The following IL6ST variants were observed in gnomAD, a reference collection of about 807,000 sequenced individuals.
IL6ST encodes the protein interleukin-6 receptor subunit beta.
IL6ST carries 24 observed loss-of-function variants against 91.3 expected under a neutral mutation model. The observed-to-expected ratio is 0.26, with a 90% CI of 0.19 to 0.37. IL6ST has a LOEUF of 0.37. Ranked by LOEUF, IL6ST falls within the 10% of genes least tolerant of loss-of-function variation. The probability of loss-of-function intolerance (pLI) is 1.00; values close to 1 mark genes in which losing one functional copy is unlikely to be tolerated. For synonymous variants in IL6ST, 351 were observed against 373.6 expected (o/e 0.94, Z 0.70); for missense variants, 914 against 1,078.5 (o/e 0.85, Z 2.14).
chr5:55,952,460 A>C, intron 11 of IL6ST, 109 bp from the exon 12 acceptor site: 1 of 601,076 alleles, frequency 1.7e-6, no homozygotes, highest in South Asian at 2.8e-5. Context: ...TTTTCTTTTA[A>C]AACTGCAGTT....
At position 55,937,593 on chromosome 5, in the gene IL6ST, AT is replaced by A. The variant is rs1750620288; in HGVS notation, c.*3488del. 5.0e-6 allele frequency: 1 copy of A among 201,072 alleles called. No individual in the cohort carries two copies. The highest frequency in any genetic ancestry group is 6.0e-5 in the Admixed American group (1 of 16,666). The allele number at this position is 201,072 out of a possible 1,614,324, so 12.5% of individuals were successfully genotyped here. A position where few individuals can be genotyped will look rare whatever the true frequency, so the allele number is the denominator to read the frequency against. ...TCTTTGAAATCAATGACAATGTCCA[AT>A]TTTAGGCTAATCCTAAAACACTTGC... is the stretch of plus-strand genomic sequence containing the variant. On this transcript the variant is annotated 3_prime_UTR_variant, in exon 17 of 17. Transcript: ENST00000381298.
intron 4 of IL6ST, among the ~76,000 whole-genome samples, chr5:55,969,085 C>T (rs1202714391): frequency 1.3e-5 from 2 of 151,382 alleles, no homozygotes; most frequent in Admixed American, 6.6e-5. Context: ...GTCCCAGCTA[C>T]TTGGGAGGCT....
chr5:55,961,758 C>CA (rs539670850), intron 7 of IL6ST, among the ~76,000 whole-genome samples: 10,604 of 110,284 alleles, frequency 0.096, 835 homozygotes, highest in African/African-American at 0.23. Flanking sequence ...AACTCCATCT[C>CA]AAAAAAAAAA....
In IL6ST at chr5:55,989,036, C is replaced by T. The variant is rs147379221; in HGVS notation, c.-104+5748G>A. Among the ~76,000 whole-genome samples the T allele has an allele frequency of 9.7e-3, 1,445 of 149,724 alleles. 37 individuals are homozygous for T. The highest frequency in any genetic ancestry group is 0.056 in the Admixed American group (840 of 15,028). On this transcript the variant is annotated intron_variant, in intron 1 of 16. Transcript: ENST00000381298. ...AGCTACTCAGGAAGCTGAGGTGGGA[C>T]AACCACTTGAGCCTGGGCTTATAGA...
intron 10 of IL6ST, 122 bp from the exon 11 acceptor site, chr5:55,955,114 A>C (rs530908513): frequency 2.0e-5 from 14 of 683,674 alleles, no homozygotes; most frequent in Non-Finnish European, 3.4e-5. Flanking sequence ...TCCTTGCCTA[A>C]AAGCACTTTA....
At chr5:55,950,535 C>CAAAA (rs70995750) in intron 14 of IL6ST, among the ~76,000 whole-genome samples, 9 of 29,344 alleles carry the variant, frequency 3.1e-4, no homozygotes, top group Non-Finnish European at 3.9e-4. Context: ...GACTCTGTCT[C>CAAAA]AAAAAAAAAA....
intron 15 of IL6ST, among the ~76,000 whole-genome samples, chr5:55,946,464 A>C (rs1184735791): frequency 1.3e-5 from 2 of 152,336 alleles, no homozygotes; most frequent in African/African-American, 4.8e-5. Context: ...AAACTTCCAT[A>C]ACAGATCAGT....
chr5:55,951,105 G>A (rs776486067), intron 14 of IL6ST, among the ~76,000 whole-genome samples: 25 of 152,210 alleles, frequency 1.6e-4, no homozygotes, highest in Non-Finnish European at 2.6e-4. Flanking sequence ...TGGGAGGTAC[G>A]GAAGTGAAGA....
chr5:55,960,955 G>A (rs1015346300), intron 7 of IL6ST, among the ~76,000 whole-genome samples: 4 of 151,818 alleles, frequency 2.6e-5, no homozygotes, highest in African/African-American at 9.7e-5. Context: ...TTTTGAGACA[G>A]AGTCTCCCTC....
intron 2 of IL6ST, among the ~76,000 whole-genome samples, chr5:55,977,564 G>A (rs1753380916): frequency 6.6e-6 from 1 of 152,026 alleles, no homozygotes; most frequent in Non-Finnish European, 1.5e-5. Flanking sequence ...GATGGCTCAC[G>A]CCTGTAATCC....
At chr5:55,944,967 T>A (rs1751149243) in intron 15 of IL6ST, among the ~76,000 whole-genome samples, 1 of 151,328 alleles carries the variant, frequency 6.6e-6, no homozygotes, top group African/African-American at 2.4e-5. Flanking sequence ...ACTATTTCTG[T>A]GTTTATTTGT....
At chr5:55,986,806 T>C (rs1753997992) in intron 1 of IL6ST, among the ~76,000 whole-genome samples, 1 of 152,214 alleles carries the variant, frequency 6.6e-6, no homozygotes, top group Non-Finnish European at 1.5e-5. Context: ...AGGCATAGTA[T>C]ATAATAGTAT....
chr5:55,986,283 T>A (rs1014530728), intron 1 of IL6ST, among the ~76,000 whole-genome samples: 35 of 152,254 alleles, frequency 2.3e-4, no homozygotes, highest in African/African-American at 8.2e-4. Context: ...TGAAACTATG[T>A]TATTTGGTAG....
At chr5:55,950,116 A>G in intron 14 of IL6ST, 1 of 443,882 alleles carries the variant, frequency 2.3e-6, no homozygotes, top group Non-Finnish European at 4.5e-6. Flanking sequence ...AAAATATACA[A>G]ATACATTTAT....
chr5:55,964,004 T>TA (rs1406510495), intron 6 of IL6ST, 142 bp downstream of exon 6: 1 of 407,144 alleles, frequency 2.5e-6, no homozygotes, highest in African/African-American at 2.1e-5. Context: ...AATTAAAATC[T>TA]AAAAAAGTAA....
intron 14 of IL6ST, among the ~76,000 whole-genome samples, chr5:55,949,240 C>T (rs947517607): frequency 6.6e-6 from 1 of 152,062 alleles, no homozygotes; most frequent in African/African-American, 2.4e-5. Flanking sequence ...CTCTGGGAGG[C>T]TAAGGCAGGA....
At chr5:55,952,165 T>C (rs181063410) in intron 12 of IL6ST, 85 bp downstream of exon 12, 8 of 1,479,748 alleles carry the variant, frequency 5.4e-6, no homozygotes, top group Admixed American at 1.9e-5. Flanking sequence ...CATAATGAGA[T>C]ACATCTTTAT....
chr5:55,965,921 T>C (rs1236851812), intron 5 of IL6ST, among the ~76,000 whole-genome samples: 1 of 151,626 alleles, frequency 6.6e-6, no homozygotes, highest in Non-Finnish European at 1.5e-5. Context: ...TGTTTAAATA[T>C]AAATTTATAA....
chr5:55,950,306 G>A (rs1309463730), intron 14 of IL6ST: 11 of 411,620 alleles, frequency 2.7e-5, no homozygotes, highest in Non-Finnish European at 4.9e-6. Flanking sequence ...GGAGGCCGAG[G>A]CAGGTGGATC....
Sources: allele counts gnomAD v4.1 joint callset (sites outside exome capture counted in the v4.1 genomes callset), GRCh38; gene constraint gnomAD v4.1.1; transcripts MANE v1.5; gene names NCBI Gene and HGNC (gene_info 2026-07-23, HGNC 2026-07-21).